The following FAF1 variants were observed in gnomAD, a reference collection of about 807,000 sequenced individuals.
The protein encoded by FAF1 is Fas associated factor 1, also known as FAS-associated factor 1.
A neutral mutation model predicts 92.5 loss-of-function variants in FAF1; 25 were observed. The observed-to-expected ratio is 0.27, with a 90% CI of 0.20 to 0.38. The LOEUF is 0.38. Among genes scored for constraint, FAF1 ranks in the 10% least tolerant of loss-of-function variants. The pLI, the probability that FAF1 is intolerant of heterozygous loss-of-function variation, is 1.00. For missense variants in FAF1, 636 were observed against 793.3 expected (o/e 0.80, Z 2.38); for synonymous variants, 234 against 273.2 (o/e 0.86, Z 1.42).
intron 1 of FAF1, among the ~76,000 whole-genome samples, chr1:50,939,313 A>G (rs1240295712): frequency 1.3e-5 from 2 of 152,110 alleles, no homozygotes; most frequent in African/African-American, 4.8e-5. Flanking sequence ...GGTATTTCAT[A>G]TTCTTTGTGG....
rs1306728152 is a variant in FAF1, at chr1:50,440,613, A to G, written c.*827T>C. On this transcript the variant is annotated 3_prime_UTR_variant, in exon 19 of 19. Coordinates refer to ENST00000396153, the MANE Select transcript of FAF1 (RefSeq NM_007051.3). ...CAAGAGAGAATTGTGTTCAGTTTAC[A>G]CTGATGGACTAGCAACTTGGGAGCT... The G allele has an allele frequency of 1.3e-5, 2 of 152,256 alleles. No homozygotes were observed. Among genetic ancestry groups the G allele is most frequent in the Admixed American group, 6.5e-5 (1 of 15,278 alleles). 9.4% of individuals were successfully genotyped at this position (152,256 alleles called of 1,614,324 possible).
chr1:50,902,664 A>G (rs1335307377), intron 1 of FAF1, among the ~76,000 whole-genome samples: 1 of 152,166 alleles, frequency 6.6e-6, no homozygotes, highest in Non-Finnish European at 1.5e-5. Flanking sequence ...TGAGAATGCA[A>G]GTCTCGTCTA....
Position 50,582,609 on chromosome 1 carries a change from T to C in FAF1, c.1113+9A>G. 6.3e-7 allele frequency: 1 copy of C among 1,589,942 alleles called. No homozygotes were observed. The highest frequency in any genetic ancestry group is 8.6e-7 in the Non-Finnish European group (1 of 1,158,176). ...ACTTTTTAATCAGAAAAGGTCAAAC[T>C]GTACTTACATCTCGGGCTTTCACAT... On this transcript the variant is annotated intron_variant, in intron 12 of 18. Coordinates refer to ENST00000396153, the MANE Select transcript of FAF1 (RefSeq NM_007051.3).
At chr1:50,586,308 A>G (rs1183494224) in intron 9 of FAF1, among the ~76,000 whole-genome samples, 1 of 152,168 alleles carries the variant, frequency 6.6e-6, no homozygotes, top group Non-Finnish European at 1.5e-5. Context: ...TCTTCCTTGT[A>G]TCTGTTGACA....
At chr1:50,835,975 G>C (rs1644197465) in intron 2 of FAF1, among the ~76,000 whole-genome samples, 1 of 152,024 alleles carries the variant, frequency 6.6e-6, no homozygotes, top group South Asian at 2.1e-4. Flanking sequence ...AGGCTTAGGA[G>C]GGAAGTCTGG....
At chr1:50,635,589 C>T (rs58241436) in intron 8 of FAF1, among the ~76,000 whole-genome samples, 3 of 152,148 alleles carry the variant, frequency 2.0e-5, no homozygotes, top group African/African-American at 7.2e-5. Flanking sequence ...CTATACCCAA[C>T]TAATTTTTGT....
At chr1:50,591,358 A>G (rs1387117669) in intron 9 of FAF1, among the ~76,000 whole-genome samples, 3 of 152,088 alleles carry the variant, frequency 2.0e-5, no homozygotes, top group Non-Finnish European at 4.4e-5. Context: ...TTGTGGGGAG[A>G]TATCACTCCC....
At chr1:50,482,051 A>T (rs527759962) in intron 17 of FAF1, among the ~76,000 whole-genome samples, 1 of 152,330 alleles carries the variant, frequency 6.6e-6, no homozygotes, top group Non-Finnish European at 1.5e-5. Context: ...TTTTAAATGT[A>T]CAGTTCTGTG....
chr1:50,818,324 C>T (rs192158326), intron 2 of FAF1, among the ~76,000 whole-genome samples: 1 of 152,280 alleles, frequency 6.6e-6, no homozygotes, highest in Admixed American at 6.5e-5. Flanking sequence ...ACTTTGGAAA[C>T]AGCATGGCAG....
chr1:50,592,297 T>C lies in FAF1; in HGVS notation c.840+3824A>G, dbSNP rs1651558077. ...TTTTTGTTGTTGTTAAGTTTTTGGA[T>C]TTCTTCTCCTTCTTCACTGTCAACT... On this transcript the variant is annotated intron_variant, in intron 9 of 18. Coordinates refer to ENST00000396153, the MANE Select transcript of FAF1 (RefSeq NM_007051.3). Among the ~76,000 whole-genome samples, 2 of 152,042 alleles carry C rather than the reference T, an allele frequency of 1.3e-5. 1 individual carries two copies. The highest frequency in any genetic ancestry group is 4.1e-4 in the South Asian group (2 of 4,832).
intron 6 of FAF1, among the ~76,000 whole-genome samples, chr1:50,721,438 C>T (rs770311691): frequency 3.3e-5 from 5 of 152,036 alleles, no homozygotes; most frequent in Non-Finnish European, 5.9e-5. Flanking sequence ...TGATCTCGAT[C>T]TCACGACCTC....
At chr1:50,601,525 T>C (rs1652125992) in intron 8 of FAF1, among the ~76,000 whole-genome samples, 1 of 152,028 alleles carries the variant, frequency 6.6e-6, no homozygotes, top group African/African-American at 2.4e-5. Context: ...CTACTAAAAA[T>C]ACAAAAACTA....
chr1:50,937,698 C>T lies in FAF1; in HGVS notation c.45+22069G>A, dbSNP rs193286091. ...AGTATACCCATTTTAACCACTGGAG[C>T]CAAGTTCTATATTCCTTTATTGTTA... On this transcript the variant is annotated intron_variant, in intron 1 of 18. Coordinates refer to ENST00000396153, the MANE Select transcript of FAF1 (RefSeq NM_007051.3). Among the ~76,000 whole-genome samples, 269 of 152,160 alleles carry T rather than the reference C, an allele frequency of 1.8e-3. 1 individual carries two copies. Among genetic ancestry groups the T allele is most frequent in the African/African-American group, 6.3e-3 (261 of 41,526 alleles).
chr1:50,913,152 T>C (rs1273628758), intron 1 of FAF1, among the ~76,000 whole-genome samples: 1 of 152,222 alleles, frequency 6.6e-6, no homozygotes, highest in Non-Finnish European at 1.5e-5. Flanking sequence ...CACTGTACTA[T>C]ACATGGCATG....
rs115955738 is a variant in FAF1, at chr1:50,721,138, A to T, written c.552-15247T>A. Among the ~76,000 whole-genome samples, 1,115 of 152,240 alleles carry T rather than the reference A, an allele frequency of 7.3e-3. 5 individuals carry two copies. Among genetic ancestry groups the T allele is most frequent in the African/African-American group, 0.025 (1,043 of 41,536 alleles). On this transcript the variant is annotated intron_variant, in intron 6 of 18. Transcript: ENST00000396153. ...CCCTACAATATCATTCATGAAAATA[A>T]CAAAAAGTTGTTTCGTAAAGCACTT...
intron 4 of FAF1, among the ~76,000 whole-genome samples, chr1:50,755,643 G>A (rs1021494737): frequency 3.9e-5 from 6 of 152,168 alleles, no homozygotes; most frequent in African/African-American, 9.7e-5. Flanking sequence ...TCCCTTTTGC[G>A]CTGCCCTAGC....
intron 6 of FAF1, among the ~76,000 whole-genome samples, chr1:50,727,447 G>C (rs1486264612): frequency 1.3e-5 from 2 of 152,178 alleles, no homozygotes; most frequent in Non-Finnish European, 2.9e-5. Context: ...CTTTAGAAAT[G>C]TGTCACTTTA....
Position 50,945,151 on chromosome 1 carries a change from T to C in FAF1, c.45+14616A>G, listed in dbSNP as rs143414411. 7.9e-4 allele frequency among the ~76,000 whole-genome samples: 121 copies of C among 152,330 alleles called. 1 individual carries two copies. Among genetic ancestry groups the C allele is most frequent in the African/African-American group, 2.7e-3 (113 of 41,582 alleles). ...ATCAAATACCTTGACAATCAGTTCA[T>C]TGCTGAGTGGCTTGTACGATAAAAG... On this transcript the variant is annotated intron_variant, in intron 1 of 18. Coordinates refer to ENST00000396153, the MANE Select transcript of FAF1 (RefSeq NM_007051.3).
chr1:50,885,508 C>T (rs1432826413), intron 1 of FAF1, among the ~76,000 whole-genome samples: 1 of 152,000 alleles, frequency 6.6e-6, no homozygotes, highest in Non-Finnish European at 1.5e-5. Flanking sequence ...GTTATGCATG[C>T]TCTTTTTTGG....
Sources: gnomAD v4.1 joint callset for allele counts (sites outside exome capture counted in the v4.1 genomes callset) on GRCh38, gnomAD v4.1.1 for gene constraint, MANE v1.5 for transcripts, NCBI Gene and HGNC (gene_info 2026-07-23, HGNC 2026-07-21) for gene names.